GNG7: variants seen among roughly 807,000 people sequenced by gnomAD.
GNG7 encodes the protein G protein subunit gamma 7.
GNG7 carries 1 observed loss-of-function variant against 4.0 expected under a neutral mutation model. The observed-to-expected ratio is 0.25, with a 90% CI of 0.09 to 1.18. The LOEUF (loss-of-function observed/expected upper bound fraction) is 1.18. Ranked by LOEUF, GNG7 falls within the 50% of genes most tolerant of loss-of-function variation. The pLI is 0.50. For missense variants in GNG7, 86 were observed against 91.9 expected (o/e 0.94, Z 0.26); for synonymous variants, 34 against 36.9 (o/e 0.92, Z 0.29).
chr19:2,515,491 G>A (rs993955984), intron 4 of GNG7, among the ~76,000 whole-genome samples: 19 of 151,546 alleles, frequency 1.3e-4, no homozygotes, highest in Non-Finnish European at 1.5e-4. Flanking sequence ...GCAGTGGCAC[G>A]ATCTCGGCTC....
intron 1 of GNG7, among the ~76,000 whole-genome samples, chr19:2,697,061 G>A (rs562620688): frequency 1.3e-5 from 2 of 152,202 alleles, no homozygotes; most frequent in East Asian, 3.9e-4. Flanking sequence ...GACTGGTCTC[G>A]AACTCCTGAC....
intron 1 of GNG7, among the ~76,000 whole-genome samples, chr19:2,646,829 C>T (rs1429670037): frequency 6.6e-6 from 1 of 152,208 alleles, no homozygotes; most frequent in Non-Finnish European, 1.5e-5. Context: ...TTCTACGGCT[C>T]TTCACAGTTT....
chr19:2,550,206 C>T (rs186594303), intron 3 of GNG7, among the ~76,000 whole-genome samples: 8 of 152,236 alleles, frequency 5.3e-5, no homozygotes, highest in African/African-American at 1.7e-4. Context: ...CATCCAGCCC[C>T]CGTGGCGACC....
chr19:2,592,173 G>A (rs1451370776), intron 2 of GNG7, among the ~76,000 whole-genome samples: 3 of 152,124 alleles, frequency 2.0e-5, no homozygotes, highest in Non-Finnish European at 2.9e-5. Flanking sequence ...AAGAAAAACT[G>A]TAAAGATCAG....
chr19:2,536,183 C>T (rs528445120), intron 3 of GNG7, among the ~76,000 whole-genome samples: 9 of 151,824 alleles, frequency 5.9e-5, no homozygotes, highest in Middle Eastern at 3.4e-3. Context: ...TTTGGGAGGC[C>T]GAGGTGGGCG....
At chr19:2,542,196 C>A (rs1362559697) in intron 3 of GNG7, among the ~76,000 whole-genome samples, 1 of 146,592 alleles carries the variant, frequency 6.8e-6, no homozygotes, top group Non-Finnish European at 1.5e-5. Context: ...CTCACCGCAA[C>A]CTCCGCCTCC....
At chr19:2,660,529 G>A (rs138367491) in intron 1 of GNG7, among the ~76,000 whole-genome samples, 5 of 152,324 alleles carry the variant, frequency 3.3e-5, no homozygotes, top group Non-Finnish European at 5.9e-5. Context: ...CCAGCACGTT[G>A]GGAGGCTGAG....
chr19:2,567,340 T>TGTGTGTGTGTGTGTGTGTGC (rs1979951858), intron 2 of GNG7, among the ~76,000 whole-genome samples: 1 of 151,254 alleles, frequency 6.6e-6, no homozygotes, highest in African/African-American at 2.4e-5. Context: ...TTTGTGTGTG[T>TGTGTGTGTGTGTGTGTGTGC]GTGTGTGTGT....
At chr19:2,688,927 C>T (rs1401132650) in intron 1 of GNG7, among the ~76,000 whole-genome samples, 4 of 151,650 alleles carry the variant, frequency 2.6e-5, no homozygotes, top group African/African-American at 7.3e-5. Flanking sequence ...TAGCCAGGCA[C>T]GGGGTTGCGT....
At chr19:2,605,500 A>T (rs1981350682) in intron 2 of GNG7, among the ~76,000 whole-genome samples, 1 of 142,578 alleles carries the variant, frequency 7.0e-6, no homozygotes, top group Non-Finnish European at 1.5e-5. Flanking sequence ...CACCTGGCCA[A>T]ATCTCACTTT....
chr19:2,553,711 A>T (rs1979433934), intron 3 of GNG7, among the ~76,000 whole-genome samples: 1 of 130,700 alleles, frequency 7.7e-6, no homozygotes, highest in African/African-American at 3.4e-5. Context: ...ATTACATATA[A>T]TATATTACAT....
chr19:2,680,040 C>T (rs1033979886), intron 1 of GNG7, among the ~76,000 whole-genome samples: 1 of 152,018 alleles, frequency 6.6e-6, no homozygotes, highest in East Asian at 1.9e-4. Flanking sequence ...CAGCCAGGCA[C>T]GGCAGCTCAC....
intron 1 of GNG7, among the ~76,000 whole-genome samples, chr19:2,658,386 GCTTT>G (rs1983051329): frequency 6.6e-6 from 1 of 151,734 alleles, no homozygotes; most frequent in Admixed American, 6.6e-5. Context: ...AATGGAAAAG[GCTTT>G]TTAGCCCCGA....
chr19:2,606,678 A>T (rs1981394902), intron 2 of GNG7, among the ~76,000 whole-genome samples: 1 of 151,282 alleles, frequency 6.6e-6, no homozygotes, highest in African/African-American at 2.4e-5. Context: ...TTAATTAATT[A>T]ATTAATTAAT....
rs534620569 is a variant in GNG7 at position 2,513,668 on chromosome 19, T to G, written c.*1354A>C. On this transcript the variant is annotated 3_prime_UTR_variant, in exon 5 of 5. Transcript: ENST00000382159. ...CGGGTTCGAGCGACAGGGTAACGTT[T>G]TGAGCGGACGTTTTGATCTCCGGGA... is the stretch of plus-strand genomic sequence containing the variant. The G allele has an allele frequency of 3.8e-5, 25 of 656,306 alleles. No homozygotes were observed. The African/African-American group carries it at 4.3e-4, about 11-fold the overall frequency. The allele number at this position is 656,306 out of a possible 1,614,324, so 40.7% of individuals were successfully genotyped here.
In GNG7 at chr19:2,614,688, C is replaced by A. The variant is rs1005738727; in HGVS notation, c.-78+31536G>T. Among the ~76,000 whole-genome samples the A allele has an allele frequency of 6.6e-6, 1 of 152,184 alleles. No individual in the cohort carries two copies. The highest frequency in any genetic ancestry group is 1.5e-5 in the Non-Finnish European group (1 of 68,044). On this transcript the variant is annotated intron_variant, in intron 2 of 4. Coordinates refer to ENST00000382159, the MANE Select transcript of GNG7 (RefSeq NM_052847.3). The surrounding 1 kb of genome is among the most constrained non-coding windows in gnomAD (Gnocchi z 6.0). The stretch of plus-strand genomic sequence containing the variant: ...GCCACGCTGTTTATCTATTTACCCA[C>A]GGACGGACACTTGGGTCATTTCCAC...
At chr19:2,683,515 G>C (rs1354216967) in intron 1 of GNG7, 1 of 152,196 alleles carries the variant, frequency 6.6e-6, no homozygotes, top group African/African-American at 2.4e-5. Flanking sequence ...TACAGATAAA[G>C]CCAACAAACA....
chr19:2,664,932 G>A (rs1399489883), intron 1 of GNG7, among the ~76,000 whole-genome samples: 1 of 152,066 alleles, frequency 6.6e-6, no homozygotes, highest in Non-Finnish European at 1.5e-5. Flanking sequence ...GTCCCCTGGG[G>A]CAGAATCACC....
Position 2,618,748 on chromosome 19 carries a change from C to A in GNG7, c.-78+27476G>T, listed in dbSNP as rs1981789732. 6.6e-6 allele frequency among the ~76,000 whole-genome samples: 1 copy of A among 152,110 alleles called. No individual in the cohort carries two copies. The highest frequency in any genetic ancestry group is 6.6e-5 in the Admixed American group (1 of 15,256). ...TCCCCGCCCACGCCTCACCAGCTTC[C>A]TCTTCAGGGGCCACCCTGTGTAACC... On this transcript the variant is annotated intron_variant, in intron 2 of 4. Transcript: ENST00000382159. The surrounding 1 kb of genome is among the most constrained non-coding windows in gnomAD (Gnocchi z 5.1).
Sources: gnomAD v4.1 joint callset for allele counts (sites outside exome capture counted in the v4.1 genomes callset) on GRCh38, gnomAD v4.1.1 for gene constraint, Gnocchi (gnomAD v3.1) non-coding constraint, MANE v1.5 for transcripts, NCBI Gene and HGNC (gene_info 2026-07-23, HGNC 2026-07-21) for gene names.